Variants in HCN1 observed in about 807,000 individuals in gnomAD.
HCN1 encodes the protein potassium/sodium hyperpolarization-activated cyclic nucleotide-gated channel 1.
Under a neutral mutation model 78.9 loss-of-function variants are expected in HCN1, and 13 were observed. The ratio of observed to expected loss-of-function variants is 0.16; its 90% CI spans 0.11 to 0.26. The LOEUF (loss-of-function observed/expected upper bound fraction) is 0.26. Ranked by LOEUF, HCN1 falls within the 10% of genes least tolerant of loss-of-function variation. The pLI is 1.00. For synonymous variants in HCN1, 552 were observed against 455.5 expected (o/e 1.21, Z -2.70); for missense variants, 810 against 1,154.3 (o/e 0.70, Z 4.32).
intron 1 of HCN1, among the ~76,000 whole-genome samples, chr5:45,684,413 G>A (rs1015114011): frequency 6.6e-6 from 1 of 152,084 alleles, no homozygotes; most frequent in African/African-American, 2.4e-5. Context: ...AAATACAGGT[G>A]TCCAAACTTT....
intron 4 of HCN1, among the ~76,000 whole-genome samples, chr5:45,374,210 T>G (rs1306647821): frequency 8.5e-6 from 1 of 117,400 alleles, no homozygotes; most frequent in Non-Finnish European, 1.8e-5. Context: ...ACATAACATA[T>G]ATATTATGTA....
At chr5:45,572,459 T>C (rs1488252108) in intron 2 of HCN1, among the ~76,000 whole-genome samples, 2 of 152,152 alleles carry the variant, frequency 1.3e-5, no homozygotes, top group Non-Finnish European at 2.9e-5. Flanking sequence ...GCTAATAATA[T>C]TAAGGATTCA....
intron 1 of HCN1, among the ~76,000 whole-genome samples, chr5:45,650,874 G>A (rs1224652855): frequency 6.6e-6 from 1 of 151,726 alleles, no homozygotes; most frequent in Non-Finnish European, 1.5e-5. Context: ...TCTTCTTAAG[G>A]TTTCCCAGCC....
chr5:45,294,911 G>T (rs1406758071), intron 6 of HCN1, among the ~76,000 whole-genome samples: 1 of 152,062 alleles, frequency 6.6e-6, no homozygotes, highest in Non-Finnish European at 1.5e-5. Flanking sequence ...TGAAACCTGG[G>T]TTTCTCCCTT....
At chr5:45,511,767 T>C (rs1452857702) in intron 2 of HCN1, among the ~76,000 whole-genome samples, 2 of 152,038 alleles carry the variant, frequency 1.3e-5, no homozygotes, top group East Asian at 3.9e-4. Flanking sequence ...AAAGAGGACG[T>C]TAGACTAAAA....
chr5:45,476,276 A>G (rs1405166291), intron 2 of HCN1, among the ~76,000 whole-genome samples: 1 of 152,102 alleles, frequency 6.6e-6, no homozygotes, highest in African/African-American at 2.4e-5. Context: ...GGCATCTCAT[A>G]TCTTGGACTT....
At chr5:45,613,889 TCAGGGTATTG>T (rs1442032534) in intron 2 of HCN1, among the ~76,000 whole-genome samples, 1 of 152,308 alleles carries the variant, frequency 6.6e-6, no homozygotes, top group East Asian at 1.9e-4. Context: ...CAATTATGAT[TCAGGGTATTG>T]CAGATAATCC....
At chr5:45,682,491 G>T (rs999109315) in intron 1 of HCN1, among the ~76,000 whole-genome samples, 3 of 151,568 alleles carry the variant, frequency 2.0e-5, no homozygotes, top group African/African-American at 7.3e-5. Flanking sequence ...AAAGGTTGTT[G>T]GAAATTATAT....
At chr5:45,608,413 C>A (rs1019178712) in intron 2 of HCN1, among the ~76,000 whole-genome samples, 11 of 125,830 alleles carry the variant, frequency 8.7e-5, no homozygotes, top group African/African-American at 3.2e-4. Flanking sequence ...TCTGTGTGAA[C>A]TGATGAAGAA....
intron 6 of HCN1, among the ~76,000 whole-genome samples, chr5:45,273,379 A>G (rs1744995539): frequency 6.6e-6 from 1 of 152,028 alleles, no homozygotes; most frequent in African/African-American, 2.4e-5. Flanking sequence ...TCTCAATGCT[A>G]TTTTTGCTGG....
At position 45,256,729 on chromosome 5, in the gene HCN1, G is replaced by T. The variant is rs1744623593; in HGVS notation, c.*5192C>A. The T allele has an allele frequency of 6.6e-6, 1 of 152,020 alleles. No homozygotes were observed. The highest frequency in any genetic ancestry group is 1.5e-5 in the Non-Finnish European group (1 of 68,032). The allele number at this position is 152,020 out of a possible 1,614,324, so 9.4% of individuals were successfully genotyped here. A position where few individuals can be genotyped will look rare whatever the true frequency, so the allele number is the denominator to read the frequency against. On this transcript the variant is annotated 3_prime_UTR_variant, in exon 8 of 8. Coordinates refer to ENST00000303230, the MANE Select transcript of HCN1 (RefSeq NM_021072.4). ...CACTGCAGGTATGTAAGTATATACT[G>T]GTCAATTAAAAAAATTTTTTTTCCT...
chr5:45,603,075 A>C (rs1474376621), intron 2 of HCN1, among the ~76,000 whole-genome samples: 3 of 152,126 alleles, frequency 2.0e-5, no homozygotes, highest in Non-Finnish European at 4.4e-5. Context: ...GTTCGATATA[A>C]GTGGCATATT....
At chr5:45,609,528 A>G (rs550956009) in intron 2 of HCN1, among the ~76,000 whole-genome samples, 2 of 152,240 alleles carry the variant, frequency 1.3e-5, no homozygotes, top group East Asian at 1.9e-4. Context: ...GTCTCTGGGC[A>G]TATCTTAATA....
chr5:45,520,704 T>G (rs1742598102), intron 2 of HCN1, among the ~76,000 whole-genome samples: 1 of 152,030 alleles, frequency 6.6e-6, no homozygotes, highest in African/African-American at 2.4e-5. Flanking sequence ...CATTCATCTA[T>G]GCATTCATTT....
At chr5:45,363,580 T>C (rs1227832894) in intron 4 of HCN1, among the ~76,000 whole-genome samples, 2 of 152,138 alleles carry the variant, frequency 1.3e-5, no homozygotes, top group Non-Finnish European at 2.9e-5. Context: ...TTTTTCATGG[T>C]GATATGGTTT....
chr5:45,308,726 A>C (rs1745787648), intron 5 of HCN1, among the ~76,000 whole-genome samples: 1 of 152,018 alleles, frequency 6.6e-6, no homozygotes, highest in Non-Finnish European at 1.5e-5. Context: ...TTGTTCTATG[A>C]GTCTGTTCTT....
At chr5:45,435,961 A>C (rs1433398601) in intron 3 of HCN1, among the ~76,000 whole-genome samples, 2 of 152,190 alleles carry the variant, frequency 1.3e-5, no homozygotes, top group Non-Finnish European at 2.9e-5. Flanking sequence ...GACCCCCGCC[A>C]ATAAAATTCC....
intron 2 of HCN1, among the ~76,000 whole-genome samples, chr5:45,613,845 T>G (rs928224945): frequency 6.6e-6 from 1 of 152,152 alleles, no homozygotes; most frequent in African/African-American, 2.4e-5. Context: ...ATCACCAAAT[T>G]AGTATGTTTT....
At chr5:45,455,955 T>G (rs1741021240) in intron 3 of HCN1, among the ~76,000 whole-genome samples, 1 of 151,910 alleles carries the variant, frequency 6.6e-6, no homozygotes, top group Admixed American at 6.6e-5. Flanking sequence ...AGTGTCCCTG[T>G]CACATTGTTT....
Sources: allele counts gnomAD v4.1 joint callset (sites outside exome capture counted in the v4.1 genomes callset), GRCh38; gene constraint gnomAD v4.1.1; transcripts MANE v1.5; gene names NCBI Gene and HGNC (gene_info 2026-07-23, HGNC 2026-07-21).